RAB3GAP2: variants seen among roughly 807,000 people sequenced by gnomAD.
The protein encoded by RAB3GAP2 is rab3 GTPase-activating protein non-catalytic subunit.
A neutral mutation model predicts 185.3 loss-of-function variants in RAB3GAP2; 87 were observed. The observed-to-expected ratio is 0.47, with a 90% CI of 0.39 to 0.56. The LOEUF is 0.56. RAB3GAP2 is among the 20% of genes least tolerant of loss of function. The pLI is 0.00. For synonymous variants in RAB3GAP2, 554 were observed against 576.1 expected (o/e 0.96, Z 0.55); for missense variants, 1,492 against 1,638.2 (o/e 0.91, Z 1.54).
chr1:220,196,088 G>A, intron 10 of RAB3GAP2, 162 bp downstream of exon 10: 1 of 782,468 alleles, frequency 1.3e-6, no homozygotes, highest in South Asian at 1.8e-5. Context: ...TTAATCTAAA[G>A]AATTTAGAAG....
Position 220,229,400 on chromosome 1 carries a change from C to A in RAB3GAP2, c.180+3399G>T, listed in dbSNP as rs75276797. Among the ~76,000 whole-genome samples, 316 of 152,208 alleles carry A rather than the reference C, an allele frequency of 2.1e-3. 5 individuals carry two copies. In the East Asian group the frequency reaches 0.045, roughly 22 times the overall value. ...TAGAATAAATTCCAAATTTATAAAG[C>A]CTTATATCAGGCCTACTTGCTTCTC... On this transcript the variant is annotated intron_variant, in intron 2 of 34. Transcript: ENST00000358951.
intron 18 of RAB3GAP2, 97 bp downstream of exon 18, chr1:220,185,554 G>A (rs889087493): frequency 1.2e-6 from 1 of 839,480 alleles, no homozygotes; most frequent in East Asian, 2.5e-5. Flanking sequence ...CCACATTAAA[G>A]TAACATGATG....
At chr1:220,197,841 C>T (rs1658759521) in intron 9 of RAB3GAP2, among the ~76,000 whole-genome samples, 1 of 152,010 alleles carries the variant, frequency 6.6e-6, no homozygotes, top group Admixed American at 6.6e-5. Context: ...TCCTTGCTAC[C>T]AATGATGTTT....
intron 9 of RAB3GAP2, among the ~76,000 whole-genome samples, chr1:220,200,085 G>A (rs1184613910): frequency 6.6e-6 from 1 of 152,116 alleles, no homozygotes; most frequent in East Asian, 1.9e-4. Context: ...ACCTTGTCCT[G>A]TTTTCCCCTC....
In RAB3GAP2 at chr1:220,152,591, C is replaced by T. The variant is rs552634059; in HGVS notation, c.3867+594G>A. On this transcript the variant is annotated intron_variant, in intron 33 of 34. Coordinates refer to ENST00000358951, the MANE Select transcript of RAB3GAP2 (RefSeq NM_012414.4). ...ATTCTTGTCTCAAGCACTGTTCCCC[C>T]AGTTTCTGAGTAGCTGGCTGCTGCT... Among the ~76,000 whole-genome samples, 145 of 152,358 alleles carry T rather than the reference C, an allele frequency of 9.5e-4. 2 individuals are homozygous for T. Among genetic ancestry groups the T allele is most frequent in the Middle Eastern group, 3.4e-3 (1 of 292 alleles).
chr1:220,217,552 G>A (rs761322066), intron 2 of RAB3GAP2, among the ~76,000 whole-genome samples: 9 of 151,814 alleles, frequency 5.9e-5, no homozygotes, highest in Non-Finnish European at 1.2e-4. Flanking sequence ...TTTATTCTGT[G>A]ACTGCATTTC....
At chr1:220,191,030 A>T in intron 14 of RAB3GAP2, 38 bp downstream of exon 14, 1 of 1,544,678 alleles carries the variant, frequency 6.5e-7, no homozygotes, top group Non-Finnish European at 8.9e-7. Context: ...CCTATATTTC[A>T]TTTTGTAACC....
At chr1:220,206,730 A>T (rs558563469) in intron 7 of RAB3GAP2, among the ~76,000 whole-genome samples, 3 of 152,340 alleles carry the variant, frequency 2.0e-5, no homozygotes, top group African/African-American at 7.2e-5. Context: ...ACATCTGGCA[A>T]ATATGAGAGG....
At chr1:220,214,873 A>T (rs1422078365) in intron 2 of RAB3GAP2, among the ~76,000 whole-genome samples, 1 of 148,124 alleles carries the variant, frequency 6.8e-6, no homozygotes, top group Non-Finnish European at 1.5e-5. Flanking sequence ...ATCAGTTCTT[A>T]TGTGTATTTC....
intron 9 of RAB3GAP2, among the ~76,000 whole-genome samples, chr1:220,196,867 C>G (rs1658735050): frequency 6.6e-6 from 1 of 151,824 alleles, no homozygotes; most frequent in African/African-American, 2.4e-5. Context: ...AAATTTCCAT[C>G]TATAATTTCC....
intron 1 of RAB3GAP2, among the ~76,000 whole-genome samples, chr1:220,244,089 C>T (rs755572756): frequency 5.9e-5 from 9 of 152,110 alleles, no homozygotes; most frequent in Non-Finnish European, 1.0e-4. Flanking sequence ...GAAATAAAGG[C>T]CATCCAAATT....
chr1:220,157,070 TGA>T (rs771398270), intron 31 of RAB3GAP2, among the ~76,000 whole-genome samples, 198 bp downstream of exon 31: 6 of 151,934 alleles, frequency 3.9e-5, no homozygotes, highest in Admixed American at 1.3e-4. Flanking sequence ...AGCAGACAGC[TGA>T]GAGGGCAAAA....
At chr1:220,252,169 A>C (rs536754911) in intron 1 of RAB3GAP2, among the ~76,000 whole-genome samples, 2 of 151,034 alleles carry the variant, frequency 1.3e-5, no homozygotes, top group Admixed American at 1.3e-4. Context: ...AAAAAAAAAA[A>C]AGAGAAAATG....
chr1:220,188,515 C>T (rs1267185358), intron 17 of RAB3GAP2, among the ~76,000 whole-genome samples: 1 of 151,996 alleles, frequency 6.6e-6, no homozygotes, highest in Admixed American at 6.6e-5. Context: ...ATTATAACCA[C>T]GAGCCTGGCA....
intron 9 of RAB3GAP2, among the ~76,000 whole-genome samples, chr1:220,197,011 G>T (rs1292732656): frequency 1.3e-5 from 2 of 150,962 alleles, no homozygotes; most frequent in East Asian, 3.9e-4. Flanking sequence ...TTTTGAGATG[G>T]CGTCTCACCC....
At chr1:220,167,260 G>C in intron 26 of RAB3GAP2, 33 bp downstream of exon 26, 1 of 1,562,814 alleles carries the variant, frequency 6.4e-7, no homozygotes, top group South Asian at 1.1e-5. Flanking sequence ...CACAGAAGCA[G>C]AAATAACATG....
At chr1:220,167,442 T>C in intron 25 of RAB3GAP2, 43 bp from the exon 26 acceptor site, 3 of 1,613,152 alleles carry the variant, frequency 1.9e-6, no homozygotes, top group Non-Finnish European at 2.5e-6. Flanking sequence ...TTTTCCTTAA[T>C]GAACACTTGG....
In RAB3GAP2 at chr1:220,182,311, A is replaced by G. The variant is rs1558147227; in HGVS notation, c.2256T>C (p.Thr752=). 4 of 1,614,122 alleles carry G rather than the reference A, an allele frequency of 2.5e-6. No homozygotes were observed. The Admixed American group carries it at 5.0e-5, about 20-fold the overall frequency. Reference sequence around the variant, plus strand: ...ACTCCAAAGTGTGACACATATCCTCAGTGGAGCTTTCTCCATGCAAACACT... The same window carrying G: ...ACTCCAAAGTGTGACACATATCCTCGGTGGAGCTTTCTCCATGCAAACACT... ...FWKCLHGESS[T]EDMCHTLESA... Residue 752 remains threonine, a synonymous_variant, in exon 21 of 35, where the codon ACT becomes ACC. Coordinates refer to ENST00000358951, the MANE Select transcript of RAB3GAP2 (RefSeq NM_012414.4).
chr1:220,260,516 G>T (rs995518920), intron 1 of RAB3GAP2, among the ~76,000 whole-genome samples: 5 of 151,812 alleles, frequency 3.3e-5, no homozygotes, highest in African/African-American at 1.2e-4. Context: ...GACACCACAT[G>T]TTCTGACTTA....
Sources: allele counts gnomAD v4.1 joint callset (sites outside exome capture counted in the v4.1 genomes callset), GRCh38; gene constraint gnomAD v4.1.1; transcripts MANE v1.5; gene names NCBI Gene and HGNC (gene_info 2026-07-23, HGNC 2026-07-21).